The following ELOVL6 variants were observed in gnomAD, a reference collection of about 807,000 sequenced individuals.
ELOVL6 encodes the protein very long chain fatty acid elongase 6.
In ELOVL6, 8 loss-of-function variants were observed where a neutral mutation model predicts 31.7. The ratio of observed to expected loss-of-function variants is 0.25; its 90% CI spans 0.15 to 0.45. ELOVL6 has a LOEUF of 0.45. ELOVL6 is among the 20% of genes least tolerant of loss of function. The pLI is 1.00. For synonymous variants in ELOVL6, 101 were observed against 117.7 expected, an observed-to-expected ratio of 0.86 and a Z score of 0.92; for missense variants, 126 against 326.4, an observed-to-expected ratio of 0.39 and a Z score of 4.73.
Position 110,049,089 on chromosome 4 carries a change from T to C in ELOVL6, c.*2249A>G, listed in dbSNP as rs1754770653. On this transcript the variant is annotated 3_prime_UTR_variant, in exon 4 of 4. Coordinates refer to ENST00000302274, the MANE Select transcript of ELOVL6 (RefSeq NM_024090.3). ...ATTTTCTGTTATAAGGAAAAAAGGCTTATTGCACGGTATCATGTATTTGCG... is the reference window on the plus strand; with the variant it reads ...ATTTTCTGTTATAAGGAAAAAAGGCCTATTGCACGGTATCATGTATTTGCG... The C allele has an allele frequency of 1.3e-5, 2 of 152,276 alleles. No homozygotes were observed. Among genetic ancestry groups the C allele is most frequent in the Non-Finnish European group, 2.9e-5 (2 of 68,052 alleles). 9.4% of individuals were successfully genotyped at this position (152,276 alleles called of 1,614,324 possible).
At chr4:110,103,289 C>G (rs1004179654) in intron 2 of ELOVL6, among the ~76,000 whole-genome samples, 5 of 151,834 alleles carry the variant, frequency 3.3e-5, no homozygotes, top group African/African-American at 1.2e-4. Flanking sequence ...GGCCTGGTAT[C>G]TTGTAATTAA....
chr4:110,155,624 G>A (rs1384391591), intron 1 of ELOVL6, among the ~76,000 whole-genome samples: 4 of 151,798 alleles, frequency 2.6e-5, no homozygotes, highest in East Asian at 1.9e-4. Flanking sequence ...GTCCCAAGTC[G>A]TCCTGGTTCA....
chr4:110,071,460 T>C (rs908552430), intron 2 of ELOVL6, among the ~76,000 whole-genome samples: 9 of 152,180 alleles, frequency 5.9e-5, no homozygotes, highest in African/African-American at 2.2e-4. Flanking sequence ...CTGGAGCAAG[T>C]ATGTGTATGC....
At chr4:110,126,659 G>C (rs1438042169) in intron 1 of ELOVL6, among the ~76,000 whole-genome samples, 1 of 152,104 alleles carries the variant, frequency 6.6e-6, no homozygotes, top group Non-Finnish European at 1.5e-5. Context: ...TCTCAAAATG[G>C]TTCACTGACC....
chr4:110,149,778 C>G (rs896161573), intron 1 of ELOVL6, among the ~76,000 whole-genome samples: 5 of 152,170 alleles, frequency 3.3e-5, no homozygotes, highest in African/African-American at 1.2e-4. Flanking sequence ...CTTCCTAATA[C>G]TGGTATTTAT....
intron 2 of ELOVL6, among the ~76,000 whole-genome samples, chr4:110,070,808 G>T (rs937841561): frequency 1.3e-5 from 2 of 152,104 alleles, no homozygotes; most frequent in Non-Finnish European, 2.9e-5. Context: ...CACCATGATT[G>T]TAAGTTTCCT....
intron 2 of ELOVL6, among the ~76,000 whole-genome samples, chr4:110,062,073 A>T (rs545188611): frequency 1.3e-5 from 2 of 152,188 alleles, no homozygotes; most frequent in African/African-American, 2.4e-5. Flanking sequence ...TCATTAAGCT[A>T]ACTCTGGCTA....
At chr4:110,120,353 T>TAAA (rs34176994) in intron 1 of ELOVL6, among the ~76,000 whole-genome samples, 11 of 144,712 alleles carry the variant, frequency 7.6e-5, no homozygotes, top group African/African-American at 2.9e-4. Flanking sequence ...AATAAAAAAG[T>TAAA]AAAAAAAAAA....
rs545807719 is a variant in ELOVL6, at chr4:110,180,167, T to C, written c.89+18080A>G. On this transcript the variant is annotated intron_variant, in intron 1 of 3. Coordinates refer to ENST00000302274, the MANE Select transcript of ELOVL6 (RefSeq NM_024090.3). ...AGTTTTCTATTGTGAGTGTGCTTAT[T>C]GTATCCATATAATGCAAGTTCACCC... is the stretch of plus-strand genomic sequence containing the variant. Among the ~76,000 whole-genome samples, 10 of 152,348 alleles carry C rather than the reference T, an allele frequency of 6.6e-5. No individual in the cohort carries two copies. In the South Asian group the frequency reaches 2.1e-3, roughly 32 times the overall value.
chr4:110,090,698 G>A (rs996571570), intron 2 of ELOVL6, among the ~76,000 whole-genome samples: 6 of 144,598 alleles, frequency 4.1e-5, no homozygotes, highest in African/African-American at 1.3e-4. Context: ...TCCGCCACCT[G>A]GGTTCAAGCA....
intron 1 of ELOVL6, among the ~76,000 whole-genome samples, chr4:110,191,404 A>G (rs972186586): frequency 6.6e-6 from 1 of 152,180 alleles, no homozygotes; most frequent in African/African-American, 2.4e-5. Context: ...CCCTCCTAAA[A>G]AAGATAAATG....
intron 2 of ELOVL6, among the ~76,000 whole-genome samples, chr4:110,072,412 G>T (rs1389821016): frequency 1.3e-5 from 2 of 152,188 alleles, no homozygotes; most frequent in Non-Finnish European, 2.9e-5. Flanking sequence ...GGAGTCAGAG[G>T]TTGCAGTGAG....
intron 2 of ELOVL6, among the ~76,000 whole-genome samples, chr4:110,084,129 G>GATATATA (rs1560814134): frequency 0.029 from 1,176 of 40,160 alleles, 75 homozygotes; most frequent in Middle Eastern, 0.056. Context: ...TAACATATAT[G>GATATATA]TGATAATGAT....
At chr4:110,174,761 A>C (rs1433168464) in intron 1 of ELOVL6, among the ~76,000 whole-genome samples, 3 of 152,172 alleles carry the variant, frequency 2.0e-5, no homozygotes, top group Non-Finnish European at 4.4e-5. Context: ...CACACTATAT[A>C]ACATGACCTT....
intron 1 of ELOVL6, among the ~76,000 whole-genome samples, chr4:110,171,679 CTTTTTTTTTTT>C (rs70956406): frequency 6.0e-5 from 4 of 66,194 alleles, no homozygotes; most frequent in East Asian, 6.8e-4. Context: ...ATAATATCCT[CTTTTTTTTTTT>C]TTTTTTTTTT....
chr4:110,180,109 C>T (rs576948808), intron 1 of ELOVL6, among the ~76,000 whole-genome samples: 6 of 152,262 alleles, frequency 3.9e-5, no homozygotes, highest in South Asian at 2.1e-4. Context: ...CTCAAAAACA[C>T]GGTAGAGTTT....
chr4:110,198,598 A>C lies in ELOVL6; in HGVS notation c.-263T>G. 1 of 418,236 alleles carries C rather than the reference A, an allele frequency of 2.4e-6. No homozygotes were observed. Among genetic ancestry groups the C allele is most frequent in the Non-Finnish European group, 4.3e-6 (1 of 233,886 alleles). 25.9% of individuals were successfully genotyped at this position (418,236 alleles called of 1,614,324 possible). Reference sequence around the variant, plus strand: ...CCGCATCCACCGTAGGAGGAAATGAATGCCTTGCGGTCTTAGTGCCCGCAC... The same window carrying C: ...CCGCATCCACCGTAGGAGGAAATGACTGCCTTGCGGTCTTAGTGCCCGCAC... On this transcript the variant is annotated 5_prime_UTR_variant, in exon 1 of 4. Transcript: ENST00000302274.
intron 1 of ELOVL6, among the ~76,000 whole-genome samples, chr4:110,132,123 G>T (rs1016713479): frequency 4.6e-5 from 7 of 152,128 alleles, no homozygotes; most frequent in African/African-American, 1.7e-4. Context: ...TTTTATGCTC[G>T]AATGGGGCTA....
chr4:110,191,121 T>C (rs1036795648), intron 1 of ELOVL6, among the ~76,000 whole-genome samples: 1 of 152,050 alleles, frequency 6.6e-6, no homozygotes, highest in East Asian at 1.9e-4. Flanking sequence ...ACCCGACCCA[T>C]ACAATACTTT....
Sources: allele counts gnomAD v4.1 joint callset (sites outside exome capture counted in the v4.1 genomes callset), GRCh38; gene constraint gnomAD v4.1.1; transcripts MANE v1.5; gene names NCBI Gene and HGNC (gene_info 2026-07-23, HGNC 2026-07-21).